The following IQCE variants were observed in gnomAD, a reference collection of about 807,000 sequenced individuals.
The protein encoded by IQCE is IQ motif containing E, also known as IQ domain-containing protein E.
A neutral mutation model predicts 96.0 loss-of-function variants in IQCE; 115 were observed. The observed-to-expected ratio is 1.20, with a 90% confidence interval of 1.03 to 1.40. The LOEUF is 1.40. IQCE is among the 40% of genes most tolerant of loss of function. The pLI, the probability that IQCE is intolerant of heterozygous loss-of-function variation, is 0.00. For synonymous variants in IQCE, 412 were observed against 371.2 expected (o/e 1.11, Z -1.26); for missense variants, 1,041 against 909.1 (o/e 1.15, Z -1.87).
At chr7:2,600,041 G>T (rs1424279842) in intron 17 of IQCE, among the ~76,000 whole-genome samples, 1 of 151,890 alleles carries the variant, frequency 6.6e-6, no homozygotes, top group Non-Finnish European at 1.5e-5. Flanking sequence ...TGATCCACCT[G>T]CCTTGGTCTC....
intron 15 of IQCE, among the ~76,000 whole-genome samples, chr7:2,593,664 G>T (rs534402055): frequency 6.6e-6 from 1 of 152,342 alleles, no homozygotes; most frequent in African/African-American, 2.4e-5. Flanking sequence ...GATTCCTTGC[G>T]CAGGAAATGT....
Position 2,583,716 on chromosome 7 carries a change from C to T in IQCE, c.774+7C>T, listed in dbSNP as rs752354068. The T allele has an allele frequency of 2.1e-5, 31 of 1,463,822 alleles. No individual in the cohort carries two copies. In the Admixed American group the frequency reaches 3.5e-4, roughly 17 times the overall value. 90.7% of individuals were successfully genotyped at this position (1,463,822 alleles called of 1,614,324 possible). A position where few individuals can be genotyped will look rare whatever the true frequency, so the allele number is the denominator to read the frequency against. Reference sequence around the variant, plus strand: ...GGAGACATACTACGAGGAGGTGCGCCGTGCTGGGCGGCGGAGCGGAGGGCG... The same window carrying T: ...GGAGACATACTACGAGGAGGTGCGCTGTGCTGGGCGGCGGAGCGGAGGGCG... On this transcript the variant is annotated splice_region_variant and intron_variant, in intron 10 of 21. Transcript: ENST00000402050.
intron 11 of IQCE, among the ~76,000 whole-genome samples, chr7:2,585,708 A>G (rs1783046148): frequency 6.6e-6 from 1 of 152,262 alleles, no homozygotes; most frequent in Non-Finnish European, 1.5e-5. Context: ...CGCGCCAGCG[A>G]CTGGCATTTT....
chr7:2,598,837 C>G (rs938045140), intron 17 of IQCE: 2 of 409,764 alleles, frequency 4.9e-6, no homozygotes, highest in Non-Finnish European at 8.6e-6. Context: ...GATAACTCGC[C>G]AGATTTCTTT....
intron 18 of IQCE, among the ~76,000 whole-genome samples, chr7:2,602,775 A>G (rs970420724): frequency 6.6e-6 from 1 of 152,250 alleles, no homozygotes; most frequent in African/African-American, 2.4e-5. Flanking sequence ...GACACTGTCC[A>G]AATTGCACGG....
intron 3 of IQCE, among the ~76,000 whole-genome samples, chr7:2,569,873 A>G (rs559230684): frequency 2.0e-5 from 3 of 152,364 alleles, no homozygotes; most frequent in African/African-American, 4.8e-5. Flanking sequence ...TGCATGTTAT[A>G]TGTTACAAAT....
In IQCE at chr7:2,605,003, G is replaced by T. The variant is rs912642247; in HGVS notation, c.1743+12G>T. 3 of 1,581,724 alleles carry T rather than the reference G, an allele frequency of 1.9e-6. No individual in the cohort carries two copies. The highest frequency in any genetic ancestry group is 3.3e-5 in the Admixed American group (2 of 59,890). On this transcript the variant is annotated intron_variant, in intron 19 of 21. Transcript: ENST00000402050. ...GCCTCCCAGACCAGGTAATGTCGGG[G>T]TGCTGGACGTCCCAGTGGCCATCTG...
At position 2,578,464 on chromosome 7, in the gene IQCE, T is replaced by C; in HGVS notation, c.580-12T>C. ...CGAAGGCCGTCTTCATGTCTCAATC[T>C]GCTTACCACAGGGCACGGATTTTGT... On this transcript the variant is annotated splice_polypyrimidine_tract_variant and intron_variant, in intron 7 of 21. Coordinates refer to ENST00000402050, the MANE Select transcript of IQCE (RefSeq NM_152558.5). The C allele has an allele frequency of 6.2e-7, 1 of 1,614,136 alleles. No individual in the cohort carries two copies. Among genetic ancestry groups the C allele is most frequent in the Non-Finnish European group, 8.5e-7 (1 of 1,180,000 alleles).
intron 4 of IQCE, 145 bp downstream of exon 4, chr7:2,571,799 C>T (rs1781774114): frequency 1.6e-5 from 16 of 972,020 alleles, no homozygotes; most frequent in South Asian, 5.0e-5. Flanking sequence ...ATATACACAT[C>T]GTAGTTTTAT....
chr7:2,559,329 G>C (rs915069335), intron 1 of IQCE, 112 bp downstream of exon 1: 7 of 494,614 alleles, frequency 1.4e-5, no homozygotes, highest in African/African-American at 6.2e-5. Flanking sequence ...GCGTGAGGAC[G>C]GGGCGCACGG....
chr7:2,573,385 A>G (rs1781895905), intron 5 of IQCE, 33 bp from the exon 6 acceptor site: 1 of 991,960 alleles, frequency 1.0e-6, no homozygotes, highest in East Asian at 2.4e-5. Context: ...CTTTGTAGAT[A>G]GTCTTTGAAA....
At chr7:2,563,280 T>A (rs1175562004) in intron 1 of IQCE, among the ~76,000 whole-genome samples, 2 of 152,142 alleles carry the variant, frequency 1.3e-5, no homozygotes, top group Non-Finnish European at 2.9e-5. Context: ...CACTGCAGCC[T>A]CAACTTCCCG....
intron 6 of IQCE, among the ~76,000 whole-genome samples, chr7:2,577,002 T>A (rs546788182): frequency 1.3e-5 from 2 of 152,214 alleles, no homozygotes; most frequent in Non-Finnish European, 2.9e-5. Flanking sequence ...GTATCTAGGG[T>A]GGGACCGTTC....
chr7:2,585,187 GC>G (rs373958755), intron 11 of IQCE, among the ~76,000 whole-genome samples: 173 of 152,030 alleles, frequency 1.1e-3, no homozygotes, highest in African/African-American at 3.9e-3. Context: ...ACAGGCACAT[GC>G]CACCACACCC....
intron 11 of IQCE, chr7:2,584,784 A>G (rs982292084): frequency 1.3e-5 from 2 of 157,430 alleles, no homozygotes; most frequent in Admixed American, 6.2e-5. Context: ...CCTCTGCAGC[A>G]GTTTGCTGAC....
chr7:2,601,636 G>A lies in IQCE; in HGVS notation c.1632+172G>A, dbSNP rs1304742782. 4 of 605,338 alleles carry A rather than the reference G, an allele frequency of 6.6e-6. No individual in the cohort carries two copies. The African/African-American group carries it at 7.5e-5, about 11-fold the overall frequency. 37.5% of individuals were successfully genotyped at this position (605,338 alleles called of 1,614,324 possible). ...GCAATCTTGGCTCACTGCAACCTCC[G>A]CCTCCTGGGTTCAAGCGATTCTCCT... On this transcript the variant is annotated intron_variant, in intron 18 of 21. Transcript: ENST00000402050.
chr7:2,584,296 C>T lies in IQCE; in HGVS notation c.824+11C>T, dbSNP rs369956183. On this transcript the variant is annotated intron_variant, in intron 11 of 21. Transcript: ENST00000402050. The stretch of plus-strand genomic sequence containing the variant: ...AACCACCGGAAAGAAGTATGATGGC[C>T]GCTTGCAAGCTGTGTTTTGTGTGTT... 483 of 1,613,270 alleles carry T rather than the reference C, an allele frequency of 3.0e-4. No individual in the cohort carries two copies. Among genetic ancestry groups the T allele is most frequent in the Non-Finnish European group, 3.7e-4 (437 of 1,179,326 alleles).
rs1011373918 is a variant in IQCE, at chr7:2,571,830, C to T, written c.259+176C>T. On this transcript the variant is annotated intron_variant, in intron 4 of 21. Coordinates refer to ENST00000402050, the MANE Select transcript of IQCE (RefSeq NM_152558.5). ...TTTATGTCATGCATAAATGTGGTTT[C>T]GCCAAGTGGCGCTTTAGCCTCCCTT... Among the ~76,000 whole-genome samples, 11 of 152,186 alleles carry T rather than the reference C, an allele frequency of 7.2e-5. No individual in the cohort carries two copies. In the South Asian group the frequency reaches 1.4e-3, roughly 20 times the overall value.
chr7:2,559,895 C>A (rs895471957), intron 1 of IQCE, among the ~76,000 whole-genome samples: 3 of 152,114 alleles, frequency 2.0e-5, no homozygotes, highest in Admixed American at 6.6e-5. Context: ...GGCCGGTAGT[C>A]CCCCGGTAGT....
Sources: gnomAD v4.1 joint callset for allele counts (sites outside exome capture counted in the v4.1 genomes callset) on GRCh38, gnomAD v4.1.1 for gene constraint, MANE v1.5 for transcripts, NCBI Gene and HGNC (gene_info 2026-07-23, HGNC 2026-07-21) for gene names.